TMCO5A: variants seen among roughly 807,000 people sequenced by gnomAD.
TMCO5A encodes the protein transmembrane and coiled-coil domain-containing protein 5A.
In TMCO5A, 34 loss-of-function variants were observed where a neutral mutation model predicts 42.3. The ratio of observed to expected loss-of-function variants is 0.80; its 90% CI spans 0.61 to 1.07. TMCO5A has a LOEUF of 1.07. Among genes scored for constraint, TMCO5A ranks in the 50% least tolerant of loss-of-function variants. The probability of loss-of-function intolerance (pLI) is 0.00; values close to 1 mark genes in which losing one functional copy is unlikely to be tolerated. For synonymous variants in TMCO5A, 131 were observed against 115.6 expected, an observed-to-expected ratio of 1.13 and a Z score of -0.86; for missense variants, 357 against 327.9, an observed-to-expected ratio of 1.09 and a Z score of -0.69.
At chr15:38,006,290 G>A in the TMCO5A span, among the ~76,000 whole-genome samples, 16 of 152,114 alleles carry the variant, frequency 1.1e-4, no homozygotes, top group African/African-American at 3.9e-4. Context: ...TAATGTCTGT[G>A]GGCTCTGATA....
chr15:37,938,218 G>A lies in TMCO5A; in HGVS notation c.376G>A (p.Glu126Lys). The change falls in exon 6 of 12, where the codon GAA becomes AAA. Residue 126 changes from glutamate to lysine, a missense_variant. Physicochemically the swap from Glu to Lys is moderately conservative, Grantham distance 56. Coordinates refer to ENST00000319669, the MANE Select transcript of TMCO5A (RefSeq NM_152453.4). ...CEQSSPDGAL[E>K]ETKVKLQQLE... ...ACAAAGCAGTCCAGATGGAGCCCTA[G>A]AAGAGACAAAGGTAAATGAAAAAAA... 3.8e-6 allele frequency: 6 copies of A among 1,570,490 alleles called. No individual in the cohort carries two copies. The highest frequency in any genetic ancestry group is 5.2e-6 in the Non-Finnish European group (6 of 1,158,958).
At position 37,951,044 on chromosome 15, in the gene TMCO5A, G is replaced by A; in HGVS notation, c.677G>A (p.Cys226Tyr). The part of the protein sequence containing the change: ...TARLFSKKIF[C>Y]CLFFITLFFI... ...TGGCATTCTCTTTTTAGGATTTTTTGCTGTCTCTTTTTCATCACCCTATTT... is the reference window on the plus strand; with the variant it reads ...TGGCATTCTCTTTTTAGGATTTTTTACTGTCTCTTTTTCATCACCCTATTT... Residue 226 changes from cysteine to tyrosine, a missense_variant, in exon 12 of 12, where the codon TGC (cysteine) becomes TAC (tyrosine). Transcript: ENST00000319669. 1 of 1,609,914 alleles carries A rather than the reference G, an allele frequency of 6.2e-7. No homozygotes were observed.
intron 11 of TMCO5A, among the ~76,000 whole-genome samples, chr15:37,959,787 T>C (rs1890376413): frequency 6.6e-6 from 1 of 151,992 alleles, no homozygotes; most frequent in Non-Finnish European, 1.5e-5. Flanking sequence ...ATGTCCACTT[T>C]CATGACTGTT....
rs550728000 is a variant in TMCO5A, at chr15:37,937,276, G to A, written c.265-70G>A. On this transcript the variant is annotated intron_variant, in intron 4 of 11. Coordinates refer to ENST00000319669, the MANE Select transcript of TMCO5A (RefSeq NM_152453.4). ...AGGAAAATATAGCTGGGGTGAAATG[G>A]ACAGCAATCAACTGAATAAGAACAG... 30 of 1,549,018 alleles carry A rather than the reference G, an allele frequency of 1.9e-5. 1 individual carries two copies. The highest frequency in any genetic ancestry group is 3.4e-4 in the Middle Eastern group (2 of 5,926).
the TMCO5A span, among the ~76,000 whole-genome samples, chr15:38,010,121 C>T: frequency 2.4e-4 from 36 of 151,946 alleles, no homozygotes; most frequent in African/African-American, 8.7e-4. Context: ...CGCCTGTAAT[C>T]CCAGCACTCT....
chr15:37,994,698 T>C, the TMCO5A span: 31,969 of 152,054 alleles, frequency 0.21, 7,110 homozygotes, highest in African/African-American at 0.56. Flanking sequence ...AAAACTCCCT[T>C]CAGATCGTCA....
At chr15:37,980,282 C>T in the TMCO5A span, among the ~76,000 whole-genome samples, 1 of 152,112 alleles carries the variant, frequency 6.6e-6, no homozygotes, top group African/African-American at 2.4e-5. Flanking sequence ...GTCTTGCTGC[C>T]CCCACCGCCA....
the TMCO5A span, among the ~76,000 whole-genome samples, chr15:38,022,216 C>G: frequency 9.2e-5 from 14 of 152,068 alleles, no homozygotes; most frequent in Non-Finnish European, 1.8e-4. Flanking sequence ...AACCTGCACA[C>G]GAATTTATTT....
chr15:38,006,416 G>A, the TMCO5A span, among the ~76,000 whole-genome samples: 2 of 152,184 alleles, frequency 1.3e-5, no homozygotes, highest in African/African-American at 2.4e-5. Context: ...GGATTGGTTG[G>A]AGAATTTGTA....
chr15:38,012,687 C>T, the TMCO5A span, among the ~76,000 whole-genome samples: 75 of 152,080 alleles, frequency 4.9e-4, 1 homozygote, highest in Non-Finnish European at 1.5e-4. Context: ...CTAAAAGAAG[C>T]ATAAAATTGT....
the TMCO5A span, among the ~76,000 whole-genome samples, chr15:37,991,036 A>G: frequency 6.6e-6 from 1 of 152,128 alleles, no homozygotes; most frequent in Non-Finnish European, 1.5e-5. Context: ...ATGTAGAGTT[A>G]CAAATCAAAG....
chr15:37,937,805 A>G (rs1371230391), intron 5 of TMCO5A, among the ~76,000 whole-genome samples: 1 of 152,114 alleles, frequency 6.6e-6, no homozygotes, highest in African/African-American at 2.4e-5. Context: ...GCCATTTCCA[A>G]TGCCTCAATA....
At chr15:38,029,858 C>T in the TMCO5A span, among the ~76,000 whole-genome samples, 12 of 152,296 alleles carry the variant, frequency 7.9e-5, no homozygotes, top group Middle Eastern at 3.4e-3. Context: ...AAACAGGAGG[C>T]TTTCATACCA....
At chr15:37,951,005 GGTTA>G in intron 11 of TMCO5A, 27 bp from the exon 12 acceptor site, 1 of 1,594,964 alleles carries the variant, frequency 6.3e-7, no homozygotes, top group Non-Finnish European at 8.6e-7. Flanking sequence ...CTAAGCTTCT[GGTTA>G]ACAGTTTCAT....
At chr15:37,936,525 C>A in intron 3 of TMCO5A, 62 bp downstream of exon 3, 1 of 1,548,586 alleles carries the variant, frequency 6.5e-7, no homozygotes, top group Non-Finnish European at 8.7e-7. Flanking sequence ...GGACCAAAAC[C>A]AAAACTGAAT....
Position 37,943,387 on chromosome 15 carries a change from C to T in TMCO5A, c.616C>T (p.Gln206Ter). The T allele has an allele frequency of 6.2e-7, 1 of 1,612,234 alleles. No homozygotes were observed. The highest frequency in any genetic ancestry group is 8.5e-7 in the Non-Finnish European group (1 of 1,179,038). Residue 206 changes from glutamine (Q) to a stop codon, truncating the protein, a stop_gained, in exon 10 of 12, where the codon CAA (glutamine) becomes TAA (stop). Coordinates refer to ENST00000319669, the MANE Select transcript of TMCO5A (RefSeq NM_152453.4). LOFTEE classifies it high-confidence loss of function. ...MNPVEKEHTS[Q>*]NNEGTPTQKT... ...CCCTGTGGAAAAAGAGCATACCAGC[C>T]AAAATAATGAGGTAAACACTCCATT... is the stretch of plus-strand genomic sequence containing the variant.
At chr15:38,018,187 T>C in the TMCO5A span, among the ~76,000 whole-genome samples, 2 of 152,144 alleles carry the variant, frequency 1.3e-5, no homozygotes, top group Admixed American at 1.3e-4. Flanking sequence ...CTTGATACCA[T>C]CGTTAATCAA....
the TMCO5A span, among the ~76,000 whole-genome samples, chr15:37,993,809 A>G: frequency 6.6e-6 from 1 of 152,166 alleles, no homozygotes; most frequent in Admixed American, 6.5e-5. Flanking sequence ...GGCTCCCACA[A>G]TGGGTACGGA....
At chr15:37,948,139 T>G (rs924182024) in intron 11 of TMCO5A, among the ~76,000 whole-genome samples, 1 of 152,070 alleles carries the variant, frequency 6.6e-6, no homozygotes, top group Non-Finnish European at 1.5e-5. Context: ...AGAAAGAGCA[T>G]CTAACAGTAT....
Sources: gnomAD v4.1 joint callset for allele counts (sites outside exome capture counted in the v4.1 genomes callset) on GRCh38, gnomAD v4.1.1 for gene constraint, MANE v1.5 for transcripts, NCBI Gene and HGNC (gene_info 2026-07-23, HGNC 2026-07-21) for gene names.